Variants in NEBL observed in about 807,000 individuals in gnomAD.
NEBL encodes LIM and SH3 protein 2.
NEBL carries 122 observed loss-of-function variants against 140.2 expected under a neutral mutation model. That is an observed-to-expected ratio of 0.87 (90% CI 0.75 to 1.01). The LOEUF (loss-of-function observed/expected upper bound fraction) is 1.01. Ranked by LOEUF, NEBL falls within the 50% of genes least tolerant of loss-of-function variation. The pLI is 0.00. For missense variants in NEBL, 1,365 were observed against 1,231.3 expected (o/e 1.11, Z -1.62); for synonymous variants, 436 against 398.9 (o/e 1.09, Z -1.11).
chr10:21,199,049 G>C (rs567476683), intron 3 of NEBL, among the ~76,000 whole-genome samples: 7 of 150,900 alleles, frequency 4.6e-5, no homozygotes, highest in Admixed American at 3.9e-4. Flanking sequence ...CTGCACAACA[G>C]GGTCTTGCTG....
intron 3 of NEBL, among the ~76,000 whole-genome samples, chr10:21,245,527 T>G (rs1003060322): frequency 6.6e-6 from 1 of 151,830 alleles, no homozygotes; most frequent in Non-Finnish European, 1.5e-5. Flanking sequence ...TCTGTTTGGG[T>G]TTGTTGTTGT....
chr10:21,262,255 G>A (rs910122032), intron 1 of NEBL, among the ~76,000 whole-genome samples: 5 of 152,204 alleles, frequency 3.3e-5, no homozygotes, highest in African/African-American at 9.6e-5. Flanking sequence ...GTCGGAGGAG[G>A]ATCGCTGTGT....
chr10:20,869,732 G>C lies in NEBL; in HGVS notation c.582+8C>G, dbSNP rs761441186. ...CATTTCCGTTCAAGGTTTAGAAAGA[G>C]AAGTTACATTGCTTATGATCTTAGA... On this transcript the variant is annotated splice_region_variant and intron_variant, in intron 6 of 27. Transcript: ENST00000377122. 1.3e-6 allele frequency: 2 copies of C among 1,582,122 alleles called. No individual in the cohort carries two copies. Among genetic ancestry groups the C allele is most frequent in the Non-Finnish European group, 1.7e-6 (2 of 1,150,974 alleles).
chr10:21,144,481 T>A (rs1318054897), intron 2 of NEBL, among the ~76,000 whole-genome samples: 1 of 152,170 alleles, frequency 6.6e-6, no homozygotes, highest in Non-Finnish European at 1.5e-5. Flanking sequence ...ATCCCAGCAC[T>A]TTGGGAGGCC....
intron 1 of NEBL, among the ~76,000 whole-genome samples, chr10:21,268,907 C>T (rs867832161): frequency 6.6e-6 from 1 of 152,118 alleles, no homozygotes; most frequent in Non-Finnish European, 1.5e-5. Flanking sequence ...ATAAGGTGAT[C>T]GTATGAGTTA....
chr10:21,184,089 T>C (rs903155144), intron 3 of NEBL, among the ~76,000 whole-genome samples: 1 of 152,176 alleles, frequency 6.6e-6, no homozygotes, highest in African/African-American at 2.4e-5. Context: ...TCTTCATCAG[T>C]GGTGTGAAAA....
intron 2 of NEBL, among the ~76,000 whole-genome samples, chr10:21,166,406 ACTCT>A (rs542738412): frequency 6.1e-4 from 93 of 152,022 alleles, no homozygotes; most frequent in African/African-American, 2.1e-3. Context: ...TCTGGTTACA[ACTCT>A]CTAATGGGTA....
At chr10:21,144,597 G>A (rs1254941086) in intron 2 of NEBL, among the ~76,000 whole-genome samples, 7 of 152,192 alleles carry the variant, frequency 4.6e-5, no homozygotes, top group South Asian at 2.1e-4. Flanking sequence ...GTGGTGGCAC[G>A]TGCCTGTAAT....
intron 3 of NEBL, among the ~76,000 whole-genome samples, chr10:21,191,802 T>A (rs371513548): frequency 3.9e-5 from 6 of 152,294 alleles, no homozygotes; most frequent in African/African-American, 1.4e-4. Flanking sequence ...TCCCAGCCCC[T>A]CCCTTTGTAA....
chr10:21,106,344 A>T (rs531385886), intron 2 of NEBL, among the ~76,000 whole-genome samples: 7 of 151,940 alleles, frequency 4.6e-5, no homozygotes, highest in Non-Finnish European at 8.8e-5. Flanking sequence ...CTTTAATCCA[A>T]CTTGAATTAA....
At chr10:21,037,200 A>C (rs1483491366) in intron 2 of NEBL, among the ~76,000 whole-genome samples, 1 of 150,270 alleles carries the variant, frequency 6.7e-6, no homozygotes, top group African/African-American at 2.5e-5. Flanking sequence ...GCCAGCGACC[A>C]TCCAGTCATT....
At chr10:21,151,307 G>C (rs902306387) in intron 2 of NEBL, among the ~76,000 whole-genome samples, 6 of 152,146 alleles carry the variant, frequency 3.9e-5, no homozygotes, top group Non-Finnish European at 8.8e-5. Context: ...CACTCATGTG[G>C]TGAAACTTCC....
At chr10:21,193,052 G>A (rs2132218627) in intron 3 of NEBL, among the ~76,000 whole-genome samples, 1 of 152,310 alleles carries the variant, frequency 6.6e-6, no homozygotes, top group South Asian at 2.1e-4. Context: ...GGGCAGTCAG[G>A]AGGGAACAGA....
At chr10:21,109,767 A>T (rs1837895805) in intron 2 of NEBL, among the ~76,000 whole-genome samples, 1 of 152,082 alleles carries the variant, frequency 6.6e-6, no homozygotes, top group Non-Finnish European at 1.5e-5. Flanking sequence ...TTTCTTGTAG[A>T]TTATCTAGTT....
Position 20,835,505 on chromosome 10 carries a change from C to T in NEBL, c.1449+8G>A. ...AGTCTTAAGGCCTGCATCACGCACCCTACTAACCTCACTCGCTATCTCTGC... is the reference window on the plus strand; with the variant it reads ...AGTCTTAAGGCCTGCATCACGCACCTTACTAACCTCACTCGCTATCTCTGC... On this transcript the variant is annotated splice_region_variant and intron_variant, in intron 14 of 27. Transcript: ENST00000377122. 1 of 1,597,492 alleles carries T rather than the reference C, an allele frequency of 6.3e-7. No homozygotes were observed. Among genetic ancestry groups the T allele is most frequent in the Non-Finnish European group, 8.6e-7 (1 of 1,167,190 alleles).
At chr10:20,887,082 AAC>A (rs1221031144) in intron 4 of NEBL, among the ~76,000 whole-genome samples, 2 of 152,224 alleles carry the variant, frequency 1.3e-5, no homozygotes, top group African/African-American at 2.4e-5. Context: ...CTGTGAAGAA[AAC>A]ACAACATTAA....
At chr10:21,098,562 C>A (rs1392857010) in intron 2 of NEBL, among the ~76,000 whole-genome samples, 1 of 152,188 alleles carries the variant, frequency 6.6e-6, no homozygotes, top group Admixed American at 6.5e-5. Context: ...TACTGCTAGA[C>A]CTGGAATAAT....
rs754191471 is a variant in NEBL at position 21,233,734 on chromosome 10, TATATAGATATATATTAC to T, written n.348+14170_348+14186del. Among the ~76,000 whole-genome samples, 1,089 of 137,294 alleles carry T rather than the reference TATATAGATATATATTAC, an allele frequency of 7.9e-3. 10 individuals carry two copies. The highest frequency in any genetic ancestry group is 0.032 in the South Asian group (127 of 3,988). 90.1% of individuals were successfully genotyped at this position (137,294 alleles called of 152,430 possible). A position where few individuals can be genotyped will look rare whatever the true frequency, so the allele number is the denominator to read the frequency against. ...TGCATATATATGGATATATATTACA[TATATAGATATATATTAC>T]ATATAGATATATATTACATATAAAT... is the stretch of plus-strand genomic sequence containing the variant. On this transcript the variant is annotated intron_variant and non_coding_transcript_variant, in intron 3 of 8. Transcript: ENST00000675702.
intron 2 of NEBL, among the ~76,000 whole-genome samples, chr10:21,156,259 T>C: frequency 6.6e-6 from 1 of 152,212 alleles, no homozygotes; most frequent in Non-Finnish European, 1.5e-5. Flanking sequence ...TTTGGTGTGG[T>C]TGTAAGCACG....
Sources: gnomAD v4.1 joint callset for allele counts (sites outside exome capture counted in the v4.1 genomes callset) on GRCh38, gnomAD v4.1.1 for gene constraint, MANE v1.5 for transcripts, NCBI Gene and HGNC (gene_info 2026-07-23, HGNC 2026-07-21) for gene names.